CNTNAP2: variants seen among roughly 807,000 people sequenced by gnomAD.
The protein encoded by CNTNAP2 is contactin-associated protein-like 2.
In CNTNAP2, 98 loss-of-function variants were observed where a neutral mutation model predicts 155.2. The observed-to-expected ratio is 0.63, with a 90% confidence interval of 0.54 to 0.75. The LOEUF (loss-of-function observed/expected upper bound fraction) is 0.75, where lower values mean the gene tolerates loss of function less well. CNTNAP2 is among the 30% of genes least tolerant of loss of function. CNTNAP2 has a pLI of 0.00. For synonymous variants in CNTNAP2, 651 were observed against 631.2 expected, an observed-to-expected ratio of 1.03 and a Z score of -0.47; for missense variants, 1,727 against 1,688.1, an observed-to-expected ratio of 1.02 and a Z score of -0.40.
chr7:147,474,773 C>T (rs1798286057), intron 10 of CNTNAP2, among the ~76,000 whole-genome samples: 1 of 152,088 alleles, frequency 6.6e-6, no homozygotes, highest in African/African-American at 2.4e-5. Flanking sequence ...CTTCTCCCCA[C>T]TCTAATCTGC....
At chr7:146,545,765 G>C (rs1364864503) in intron 1 of CNTNAP2, among the ~76,000 whole-genome samples, 1 of 151,900 alleles carries the variant, frequency 6.6e-6, no homozygotes, top group Non-Finnish European at 1.5e-5. Context: ...TGGAAAGACA[G>C]TGTGGCAATT....
rs750079255 is a variant in CNTNAP2 at position 147,108,211 on chromosome 7, G to A, written c.615G>A (p.Met205Ile). 1.2e-6 allele frequency: 2 copies of A among 1,613,556 alleles called. No individual in the cohort carries two copies. The highest frequency in any genetic ancestry group is 2.2e-5 in the South Asian group (2 of 91,060). ...CATATAGATTCAGAAACAAGAAGAT[G>A]AAAACACTGAAAGATGTCATTGCCT... ...VLPYRFRNKKMKTLKDVIALN... is the reference protein window; with the variant it reads ...VLPYRFRNKKIKTLKDVIALN... Residue 205 changes from methionine (M) to isoleucine (I), a missense_variant, in exon 5 of 24, where the codon ATG becomes ATA. Physicochemically the swap from Met to Ile is conservative, Grantham distance 10. Transcript: ENST00000361727.
intron 15 of CNTNAP2, among the ~76,000 whole-genome samples, chr7:148,033,901 A>C (rs2710155): frequency 0.12 from 17,668 of 152,164 alleles, 1,550 homozygotes; most frequent in East Asian, 0.27. Context: ...ATTCCTGCCA[A>C]GGAGGGAATT....
At chr7:147,479,759 A>G (rs894340756) in intron 10 of CNTNAP2, among the ~76,000 whole-genome samples, 1 of 152,128 alleles carries the variant, frequency 6.6e-6, no homozygotes, top group Non-Finnish European at 1.5e-5. Context: ...AAGTTTGGGC[A>G]TAATGTCAGA....
At chr7:146,278,063 C>G (rs924876424) in intron 1 of CNTNAP2, among the ~76,000 whole-genome samples, 1 of 152,166 alleles carries the variant, frequency 6.6e-6, no homozygotes, top group Non-Finnish European at 1.5e-5. Flanking sequence ...TTATTGTCAG[C>G]AGATTAGCAT....
intron 19 of CNTNAP2, among the ~76,000 whole-genome samples, chr7:148,219,084 A>G (rs1795696931): frequency 6.6e-6 from 1 of 151,680 alleles, no homozygotes; most frequent in Non-Finnish European, 1.5e-5. Flanking sequence ...CTGTGATTAC[A>G]GGCCTGCACC....
At chr7:146,276,908 G>T (rs928080465) in intron 1 of CNTNAP2, among the ~76,000 whole-genome samples, 4 of 152,164 alleles carry the variant, frequency 2.6e-5, no homozygotes, top group Non-Finnish European at 5.9e-5. Context: ...TGGTTTGAAT[G>T]GTGGCCCCCC....
At chr7:146,782,024 C>G (rs1168189017) in intron 2 of CNTNAP2, among the ~76,000 whole-genome samples, 2 of 152,114 alleles carry the variant, frequency 1.3e-5, no homozygotes, top group Non-Finnish European at 2.9e-5. Flanking sequence ...TATTCTTAAC[C>G]TTAATTAGGA....
At chr7:146,773,417 C>T (rs144528607) in intron 1 of CNTNAP2, among the ~76,000 whole-genome samples, 38 of 152,232 alleles carry the variant, frequency 2.5e-4, no homozygotes, top group South Asian at 1.0e-3. Flanking sequence ...ATTTTTGAGA[C>T]GGAGTTTTGC....
intron 14 of CNTNAP2, among the ~76,000 whole-genome samples, chr7:147,969,707 C>T (rs933858453): frequency 2.0e-5 from 3 of 151,962 alleles, no homozygotes; most frequent in African/African-American, 7.2e-5. Flanking sequence ...ACTAAAAATT[C>T]GCCATACTTT....
Position 148,388,352 on chromosome 7 carries a change from T to A in CNTNAP2, c.3715+4464T>A, listed in dbSNP as rs541614474. ...ATGTTCCCCTTCCTGTGTCCATGTGTTCTCATTGTTCAATTCCCACCTATG... is the reference window on the plus strand; with the variant it reads ...ATGTTCCCCTTCCTGTGTCCATGTGATCTCATTGTTCAATTCCCACCTATG... On this transcript the variant is annotated intron_variant, in intron 22 of 23. Coordinates refer to ENST00000361727, the MANE Select transcript of CNTNAP2 (RefSeq NM_014141.6). Among the ~76,000 whole-genome samples, 14 of 141,660 alleles carry A rather than the reference T, an allele frequency of 9.9e-5. No homozygotes were observed. The East Asian group carries it at 1.5e-3, about 15-fold the overall frequency. 92.9% of individuals were successfully genotyped at this position (141,660 alleles called of 152,430 possible).
intron 3 of CNTNAP2, among the ~76,000 whole-genome samples, chr7:146,887,162 TTGCGACAG>T (rs1443482043): frequency 6.6e-6 from 1 of 152,026 alleles, no homozygotes; most frequent in Admixed American, 6.6e-5. Context: ...GTTTGTTTGT[TTGCGACAG>T]TGGAGTTTTG....
chr7:146,734,201 G>GA (rs1307373240), intron 1 of CNTNAP2, among the ~76,000 whole-genome samples: 1 of 152,014 alleles, frequency 6.6e-6, no homozygotes, highest in African/African-American at 2.4e-5. Flanking sequence ...CAGCAGCTTA[G>GA]TTTTTCCTAT....
intron 1 of CNTNAP2, among the ~76,000 whole-genome samples, chr7:146,721,420 TAC>T (rs1235022081): frequency 4.2e-4 from 54 of 128,806 alleles, no homozygotes; most frequent in African/African-American, 1.4e-3. Context: ...ATTCTATATA[TAC>T]ATTCTATATA....
chr7:146,577,661 C>G (rs1302365128), intron 1 of CNTNAP2, among the ~76,000 whole-genome samples: 1 of 151,916 alleles, frequency 6.6e-6, no homozygotes, highest in African/African-American at 2.4e-5. Context: ...TCTTGAATAT[C>G]TACATAAAGG....
intron 1 of CNTNAP2, among the ~76,000 whole-genome samples, chr7:146,726,180 A>T (rs1394019243): frequency 6.6e-6 from 1 of 152,208 alleles, no homozygotes; most frequent in Non-Finnish European, 1.5e-5. Context: ...GGTATAGAGA[A>T]ACAAAGGTTT....
At chr7:146,215,531 A>T (rs1284597234) in intron 1 of CNTNAP2, among the ~76,000 whole-genome samples, 1 of 152,030 alleles carries the variant, frequency 6.6e-6, no homozygotes, top group East Asian at 1.9e-4. Context: ...ATTTTATGGA[A>T]TTGATCAGAA....
At chr7:146,385,163 G>T (rs1187078535) in intron 1 of CNTNAP2, among the ~76,000 whole-genome samples, 3 of 151,812 alleles carry the variant, frequency 2.0e-5, no homozygotes, top group Non-Finnish European at 4.4e-5. Flanking sequence ...TCTACCACTA[G>T]GTTTCCTTCC....
At chr7:147,741,200 G>T (rs1306598802) in intron 13 of CNTNAP2, among the ~76,000 whole-genome samples, 2 of 152,220 alleles carry the variant, frequency 1.3e-5, no homozygotes, top group African/African-American at 4.8e-5. Context: ...AGCACTGTCT[G>T]CTATGTAAGT....
Sources: gnomAD v4.1 joint callset for allele counts (sites outside exome capture counted in the v4.1 genomes callset) on GRCh38, gnomAD v4.1.1 for gene constraint, MANE v1.5 for transcripts, NCBI Gene and HGNC (gene_info 2026-07-23, HGNC 2026-07-21) for gene names.